The following CECR2 variants were observed in gnomAD, a reference collection of about 807,000 sequenced individuals.
CECR2 encodes CECR2 histone acetyl-lysine reader.
CECR2 carries 30 observed loss-of-function variants against 154.5 expected under a neutral mutation model. The ratio of observed to expected loss-of-function variants is 0.19; its 90% CI spans 0.15 to 0.26. The LOEUF is 0.26. Among genes scored for constraint, CECR2 ranks in the 10% least tolerant of loss-of-function variants. The probability of loss-of-function intolerance (pLI) is 1.00; values close to 1 mark genes in which losing one functional copy is unlikely to be tolerated. For synonymous variants in CECR2, 725 were observed against 683.7 expected, an observed-to-expected ratio of 1.06 and a Z score of -0.94; for missense variants, 1,743 against 1,829.3, an observed-to-expected ratio of 0.95 and a Z score of 0.86.
chr22:17,416,371 G>C (rs1245228464), intron 1 of CECR2, among the ~76,000 whole-genome samples: 3 of 151,192 alleles, frequency 2.0e-5, no homozygotes, highest in Non-Finnish European at 4.4e-5. Flanking sequence ...ACCTTTTTTT[G>C]TATTTGTTTC....
intron 1 of CECR2, among the ~76,000 whole-genome samples, chr22:17,380,694 G>A (rs998225762): frequency 6.6e-6 from 1 of 152,178 alleles, no homozygotes; most frequent in Non-Finnish European, 1.5e-5. Context: ...AAGCCGTGGG[G>A]CCACAATTAA....
At chr22:17,385,003 G>A (rs1448923951) in intron 1 of CECR2, among the ~76,000 whole-genome samples, 1 of 152,106 alleles carries the variant, frequency 6.6e-6, no homozygotes, top group Admixed American at 6.6e-5. Flanking sequence ...AAAGCTTCAC[G>A]AACCAACCTC....
chr22:17,370,986 CGCAG>C (rs763260021), intron 1 of CECR2, among the ~76,000 whole-genome samples: 3 of 152,090 alleles, frequency 2.0e-5, no homozygotes, highest in Non-Finnish European at 2.9e-5. Context: ...GGTTCGCCGA[CGCAG>C]TAATCAAAAT....
intron 1 of CECR2, among the ~76,000 whole-genome samples, chr22:17,475,270 C>G (rs947357273): frequency 6.6e-6 from 1 of 152,020 alleles, no homozygotes; most frequent in African/African-American, 2.4e-5. Flanking sequence ...GTGGTTGGGG[C>G]GGTCACTGTA....
chr22:17,463,372 G>A (rs2054974286), intron 1 of CECR2, among the ~76,000 whole-genome samples: 2 of 152,188 alleles, frequency 1.3e-5, no homozygotes, highest in South Asian at 4.1e-4. Flanking sequence ...AGGCTCACTA[G>A]CTGTTGATAT....
chr22:17,458,542 T>C (rs1028887129), intron 1 of CECR2, among the ~76,000 whole-genome samples: 4 of 151,938 alleles, frequency 2.6e-5, no homozygotes, highest in African/African-American at 9.7e-5. Context: ...ATTATAGTTA[T>C]GTAAGATGTT....
chr22:17,434,578 C>T (rs996978937), intron 1 of CECR2, among the ~76,000 whole-genome samples: 2 of 152,098 alleles, frequency 1.3e-5, no homozygotes, highest in African/African-American at 4.8e-5. Flanking sequence ...TAATCACTTT[C>T]CGAGCAGTCT....
Position 17,404,364 on chromosome 22 carries a change from C to CTTTTTTTTTTTTTTTTTTTTT in CECR2, c.126+34458_126+34459insTTTTTTTTTTTTTTTTTTTTT, listed in dbSNP as rs1209598318. ...TGTGGGTTCATTTCTGGACCCTGTT[C>CTTTTTTTTTTTTTTTTTTTTT]TTTCTTTTTTTTTTTTTTTTTTTTT... is the stretch of plus-strand genomic sequence containing the variant. On this transcript the variant is annotated intron_variant, in intron 1 of 18. Transcript: ENST00000262608. Among the ~76,000 whole-genome samples, 16 of 59,620 alleles carry CTTTTTTTTTTTTTTTTTTTTT rather than the reference C, an allele frequency of 2.7e-4. 4 individuals are homozygous for CTTTTTTTTTTTTTTTTTTTTT. Among genetic ancestry groups the CTTTTTTTTTTTTTTTTTTTTT allele is most frequent in the Non-Finnish European group, 4.1e-4 (13 of 31,424 alleles). 39.1% of individuals were successfully genotyped at this position (59,620 alleles called of 152,430 possible).
chr22:17,370,808 C>A (rs541580903), intron 1 of CECR2, among the ~76,000 whole-genome samples: 1 of 152,214 alleles, frequency 6.6e-6, no homozygotes, highest in Non-Finnish European at 1.5e-5. Flanking sequence ...CCCCTTTCTC[C>A]TATTTTTATT....
chr22:17,362,114 C>G (rs1215479099), intron 1 of CECR2, among the ~76,000 whole-genome samples: 2 of 152,136 alleles, frequency 1.3e-5, no homozygotes, highest in Non-Finnish European at 2.9e-5. Flanking sequence ...ACAATCTCAG[C>G]TCACTGCAAC....
chr22:17,508,124 C>T (rs774456012), intron 7 of CECR2, among the ~76,000 whole-genome samples: 1 of 152,198 alleles, frequency 6.6e-6, no homozygotes, highest in Non-Finnish European at 1.5e-5. Flanking sequence ...TGGTCAATGA[C>T]AAACCATTTA....
intron 8 of CECR2, among the ~76,000 whole-genome samples, chr22:17,520,345 A>G (rs1450178848): frequency 1.3e-5 from 2 of 152,176 alleles, no homozygotes; most frequent in African/African-American, 4.8e-5. Flanking sequence ...TCTGACATAC[A>G]TAAAGCATCA....
At chr22:17,510,449 G>A (rs1326829545) in intron 7 of CECR2, among the ~76,000 whole-genome samples, 2 of 148,960 alleles carry the variant, frequency 1.3e-5, no homozygotes, top group African/African-American at 2.5e-5. Flanking sequence ...CATCCTCGGC[G>A]ACAGAACAAG....
At position 17,519,553 on chromosome 22, in the gene CECR2, C is replaced by T. The variant is rs538702326; in HGVS notation, c.955-4565C>T. On this transcript the variant is annotated intron_variant, in intron 8 of 18. Transcript: ENST00000262608. Reference sequence around the variant, plus strand: ...GATTACAGGCATGGGCCACCATGCCCGGCCCCTCGTGTGCTTTATATATTG... The same window carrying T: ...GATTACAGGCATGGGCCACCATGCCTGGCCCCTCGTGTGCTTTATATATTG... Among the ~76,000 whole-genome samples, 323 of 151,996 alleles carry T rather than the reference C, an allele frequency of 2.1e-3. 2 individuals are homozygous for T. Among genetic ancestry groups the T allele is most frequent in the African/African-American group, 7.2e-3 (298 of 41,468 alleles).
At chr22:17,457,355 G>T (rs1256179912) in intron 1 of CECR2, among the ~76,000 whole-genome samples, 4 of 152,202 alleles carry the variant, frequency 2.6e-5, no homozygotes, top group Non-Finnish European at 4.4e-5. Flanking sequence ...CTTGCTCTCT[G>T]TCTAGGCCTT....
intron 1 of CECR2, among the ~76,000 whole-genome samples, chr22:17,472,056 G>A (rs375643695): frequency 1.3e-5 from 2 of 152,086 alleles, no homozygotes; most frequent in African/African-American, 4.8e-5. Context: ...ACTCAGCATC[G>A]AGCCAGTGAC....
chr22:17,443,176 T>C (rs933391116), intron 1 of CECR2, among the ~76,000 whole-genome samples: 1 of 152,164 alleles, frequency 6.6e-6, no homozygotes, highest in Non-Finnish European at 1.5e-5. Context: ...ATTCTACAAA[T>C]CCTTAAATCC....
chr22:17,470,978 C>G (rs1298093946), intron 1 of CECR2, among the ~76,000 whole-genome samples: 1 of 152,222 alleles, frequency 6.6e-6, no homozygotes, highest in Non-Finnish European at 1.5e-5. Flanking sequence ...AATGATGACT[C>G]CAAACCTCAG....
At chr22:17,406,643 A>G (rs2053989356) in intron 1 of CECR2, among the ~76,000 whole-genome samples, 1 of 152,180 alleles carries the variant, frequency 6.6e-6, no homozygotes, top group Non-Finnish European at 1.5e-5. Flanking sequence ...ATAGGGGTGA[A>G]ATATGAAATG....
Sources: allele counts gnomAD v4.1 joint callset (sites outside exome capture counted in the v4.1 genomes callset), GRCh38; gene constraint gnomAD v4.1.1; transcripts MANE v1.5; gene names NCBI Gene and HGNC (gene_info 2026-07-23, HGNC 2026-07-21).